The following COL23A1 variants were observed in gnomAD, a reference collection of about 807,000 sequenced individuals.
The protein encoded by COL23A1 is collagen type XXIII alpha 1 chain.
In COL23A1, 97 loss-of-function variants were observed where a neutral mutation model predicts 99.3. The observed-to-expected ratio is 0.98, with a 90% confidence interval of 0.83 to 1.16. The LOEUF (loss-of-function observed/expected upper bound fraction) is 1.16, where lower values mean the gene tolerates loss of function less well. Among genes scored for constraint, COL23A1 ranks in the 50% most tolerant of loss-of-function variants. The probability of loss-of-function intolerance (pLI) is 0.00; values close to 1 mark genes in which losing one functional copy is unlikely to be tolerated. For synonymous variants in COL23A1, 320 were observed against 308.2 expected, an observed-to-expected ratio of 1.04 and a Z score of -0.40; for missense variants, 762 against 757.4, an observed-to-expected ratio of 1.01 and a Z score of -0.07.
At position 178,414,058 on chromosome 5, in the gene COL23A1, T is replaced by C. The variant is rs567069418; in HGVS notation, c.362-107139A>G. On this transcript the variant is annotated intron_variant, in intron 2 of 28. Transcript: ENST00000390654. ...GGACAGCAAGAGGGCACATAATTCA[T>C]GCTGCTGTGTGCTCCGGTCCTGCAG... Among the ~76,000 whole-genome samples the C allele has an allele frequency of 3.3e-5, 5 of 152,298 alleles. No homozygotes were observed. In the South Asian group the frequency reaches 1.0e-3, roughly 32 times the overall value.
In COL23A1 at chr5:178,277,607, G is replaced by C. The variant is rs74616152; in HGVS notation, c.442-7244C>G. On this transcript the variant is annotated intron_variant, in intron 5 of 28. Coordinates refer to ENST00000390654, the MANE Select transcript of COL23A1 (RefSeq NM_173465.4). Reference sequence around the variant, plus strand: ...AACCCTTGGCCTAGAAAGTCTCCCAGGGCCCTTTCAGCTCTATGATGCTGT... The same window carrying C: ...AACCCTTGGCCTAGAAAGTCTCCCACGGCCCTTTCAGCTCTATGATGCTGT... Among the ~76,000 whole-genome samples the C allele has an allele frequency of 7.8e-4, 119 of 152,330 alleles. 3 individuals are homozygous for C. In the East Asian group the frequency reaches 0.021, roughly 27 times the overall value.
chr5:178,257,562 G>A lies in COL23A1; in HGVS notation c.735C>T (p.Asp245=), dbSNP rs13436036. The A allele has an allele frequency of 9.0e-4, 1,409 of 1,559,160 alleles. 2 individuals are homozygous for A. The African/African-American group carries it at 0.012, about 13-fold the overall frequency. Reference sequence around the variant, plus strand: ...GTCCAGGCTGGCTTGGTGTCCCATCGTCGCCCTGAGGAGAGGACACCTGGG... The same window carrying A: ...GTCCAGGCTGGCTTGGTGTCCCATCATCGCCCTGAGGAGAGGACACCTGGG... The part of the protein sequence containing the change: ...GEPGVPGKKG[D]DGTPSQPGPP... The change falls in exon 13 of 29, where the codon GAC becomes GAT. Residue 245 remains aspartate, a synonymous_variant. Coordinates refer to ENST00000390654, the MANE Select transcript of COL23A1 (RefSeq NM_173465.4).
intron 1 of COL23A1, among the ~76,000 whole-genome samples, chr5:178,578,268 TAC>T (rs1245699237): frequency 1.3e-5 from 2 of 151,900 alleles, no homozygotes; most frequent in Non-Finnish European, 2.9e-5. Flanking sequence ...CACACCCATG[TAC>T]ACACACATGC....
chr5:178,249,141 G>T lies in COL23A1; in HGVS notation c.1125C>A (p.Gly375=), dbSNP rs770112040. The change falls in exon 19 of 29, where the codon GGC becomes GGA. Residue 375 remains glycine, a synonymous_variant. Coordinates refer to ENST00000390654, the MANE Select transcript of COL23A1 (RefSeq NM_173465.4). ...PGPAGLKGEA[G]EMGLSGLPGA... ...CCGGGAGGCCGGACAAGCCCATCTC[G>T]CCTGCTTCCCCTTTGAGTCCTGCTG... is the stretch of plus-strand genomic sequence containing the variant. The T allele has an allele frequency of 1.9e-6, 3 of 1,614,186 alleles. No homozygotes were observed. The South Asian group carries it at 3.3e-5, about 18-fold the overall frequency.
chr5:178,246,127 C>T (rs1764679777), intron 24 of COL23A1, 127 bp downstream of exon 24: 2 of 1,331,912 alleles, frequency 1.5e-6, no homozygotes, highest in Non-Finnish European at 2.1e-6. Flanking sequence ...CTGGCATCCA[C>T]AGAGCCTGAA....
At position 178,307,309 on chromosome 5, in the gene COL23A1, A is replaced by G. The variant is rs1758412399; in HGVS notation, c.362-390T>C. Among the ~76,000 whole-genome samples, 1 of 152,220 alleles carries G rather than the reference A, an allele frequency of 6.6e-6. No homozygotes were observed. Among genetic ancestry groups the G allele is most frequent in the African/African-American group, 2.4e-5 (1 of 41,456 alleles). On this transcript the variant is annotated intron_variant, in intron 2 of 28. Coordinates refer to ENST00000390654, the MANE Select transcript of COL23A1 (RefSeq NM_173465.4). The surrounding 1 kb of genome is among the most constrained non-coding windows in gnomAD (Gnocchi z 4.2). Reference sequence around the variant, plus strand: ...GAAAGTAAGGGTGGGTTATCTTAGGAAAGCCCTGACAAACGCTGCTTCATA... The same window carrying G: ...GAAAGTAAGGGTGGGTTATCTTAGGGAAGCCCTGACAAACGCTGCTTCATA...
At chr5:178,330,674 T>C (rs112195066) in intron 2 of COL23A1, among the ~76,000 whole-genome samples, 1 of 147,832 alleles carries the variant, frequency 6.8e-6, no homozygotes, top group Non-Finnish European at 1.5e-5. Flanking sequence ...AAAAAAAAGA[T>C]CCAGCCACCT....
At chr5:178,483,866 C>A (rs1325514139) in intron 2 of COL23A1, among the ~76,000 whole-genome samples, 2 of 152,244 alleles carry the variant, frequency 1.3e-5, no homozygotes, top group Non-Finnish European at 2.9e-5. Flanking sequence ...GATGTACACA[C>A]TCAGCAACGC....
intron 2 of COL23A1, among the ~76,000 whole-genome samples, chr5:178,533,118 A>G (rs1760741668): frequency 6.6e-6 from 1 of 152,156 alleles, no homozygotes; most frequent in South Asian, 2.1e-4. Flanking sequence ...GAAAAATGAG[A>G]TTGTGACTAC....
At chr5:178,267,019 C>T (rs746314566) in intron 8 of COL23A1, among the ~76,000 whole-genome samples, 3 of 152,218 alleles carry the variant, frequency 2.0e-5, no homozygotes, top group Non-Finnish European at 4.4e-5. Context: ...GTCCTCAGGA[C>T]GCTGTCTCCA....
intron 2 of COL23A1, among the ~76,000 whole-genome samples, chr5:178,467,911 G>C (rs888544813): frequency 1.3e-5 from 2 of 152,184 alleles, no homozygotes; most frequent in African/African-American, 4.8e-5. Flanking sequence ...TAGTGACAAA[G>C]GGAAACTGCA....
chr5:178,368,606 C>G (rs999613974), intron 2 of COL23A1, among the ~76,000 whole-genome samples: 12 of 152,218 alleles, frequency 7.9e-5, no homozygotes, highest in African/African-American at 2.9e-4. Context: ...ACCTCTCCCT[C>G]CCCACACCAT....
At chr5:178,553,802 T>A (rs977228463) in intron 2 of COL23A1, among the ~76,000 whole-genome samples, 2 of 152,184 alleles carry the variant, frequency 1.3e-5, no homozygotes, top group African/African-American at 4.8e-5. Flanking sequence ...CAGTAAAGTC[T>A]GCCAAGCCCT....
intron 2 of COL23A1, among the ~76,000 whole-genome samples, chr5:178,414,205 G>C (rs1765186409): frequency 6.6e-6 from 1 of 152,178 alleles, no homozygotes; most frequent in Non-Finnish European, 1.5e-5. Context: ...GCCAGCATCA[G>C]CAACAGCATC....
intron 25 of COL23A1, among the ~76,000 whole-genome samples, chr5:178,245,660 T>G (rs1764652704): frequency 6.6e-6 from 1 of 151,982 alleles, no homozygotes; most frequent in Non-Finnish European, 1.5e-5. Context: ...CATTATGCAT[T>G]CATCCATCCA....
chr5:178,413,097 C>G (rs1765132682), intron 2 of COL23A1, among the ~76,000 whole-genome samples: 1 of 151,996 alleles, frequency 6.6e-6, no homozygotes, highest in Non-Finnish European at 1.5e-5. Context: ...GCAGGAGGAT[C>G]ACTTTAGCCC....
intron 2 of COL23A1, among the ~76,000 whole-genome samples, chr5:178,368,954 T>C (rs1170484356): frequency 1.3e-5 from 2 of 152,184 alleles, no homozygotes; most frequent in Non-Finnish European, 2.9e-5. Flanking sequence ...CAGCCTGAGA[T>C]GGGGTTGGGG....
chr5:178,585,378 G>A (rs934538839), intron 1 of COL23A1, among the ~76,000 whole-genome samples: 7 of 151,956 alleles, frequency 4.6e-5, no homozygotes, highest in Admixed American at 3.3e-4. Flanking sequence ...CTGACTCTAG[G>A]GTAACACTCC....
At chr5:178,448,587 G>C (rs1296887249) in intron 2 of COL23A1, among the ~76,000 whole-genome samples, 5 of 152,230 alleles carry the variant, frequency 3.3e-5, no homozygotes. Flanking sequence ...AGCATCATAA[G>C]CTGGTCGAAG....
Sources: allele counts gnomAD v4.1 joint callset (sites outside exome capture counted in the v4.1 genomes callset), GRCh38; gene constraint gnomAD v4.1.1; non-coding constraint Gnocchi (gnomAD v3.1); transcripts MANE v1.5; gene names NCBI Gene and HGNC (gene_info 2026-07-23, HGNC 2026-07-21).